Variants in CPD observed in about 807,000 individuals in gnomAD.
CPD encodes the protein metallocarboxypeptidase D.
A neutral mutation model predicts 138.3 loss-of-function variants in CPD; 69 were observed. That is an observed-to-expected ratio of 0.50 (90% confidence interval 0.41 to 0.61). CPD has a LOEUF of 0.61. Among genes scored for constraint, CPD ranks in the 20% least tolerant of loss-of-function variants. The pLI, the probability that CPD is intolerant of heterozygous loss-of-function variation, is 0.00. For missense variants in CPD, 1,432 were observed against 1,733.3 expected, an observed-to-expected ratio of 0.83 and a Z score of 3.09; for synonymous variants, 651 against 642.1, an observed-to-expected ratio of 1.01 and a Z score of -0.21.
rs537393906 is a variant in CPD, at chr17:30,381,829, G to T, written c.746+2103G>T. On this transcript the variant is annotated intron_variant, in intron 1 of 20. Coordinates refer to ENST00000225719, the MANE Select transcript of CPD (RefSeq NM_001304.5). The stretch of plus-strand genomic sequence containing the variant: ...ATATCCTATTCACCCAGCTATATTC[G>T]AATTAGATTTTTGTTGTTATTTCGA... Among the ~76,000 whole-genome samples the T allele has an allele frequency of 4.6e-5, 7 of 151,788 alleles. No homozygotes were observed. In the South Asian group the frequency reaches 1.5e-3, roughly 31 times the overall value.
At chr17:30,393,534 T>C (rs1418916398) in intron 2 of CPD, among the ~76,000 whole-genome samples, 1 of 152,172 alleles carries the variant, frequency 6.6e-6, no homozygotes, top group Non-Finnish European at 1.5e-5. Flanking sequence ...GACAAATCCA[T>C]AAATATAGTA....
intron 1 of CPD, 82 bp from the exon 2 acceptor site, chr17:30,384,906 CT>C: frequency 6.8e-7 from 1 of 1,480,728 alleles, no homozygotes; most frequent in Non-Finnish European, 9.1e-7. Context: ...GAGTTTATTT[CT>C]AAAAGATTTT....
intron 2 of CPD, among the ~76,000 whole-genome samples, chr17:30,405,745 T>G (rs1039729115): frequency 9.2e-5 from 14 of 152,098 alleles, no homozygotes; most frequent in African/African-American, 3.1e-4. Flanking sequence ...CACTCTTATT[T>G]TTTAATTTTT....
At chr17:30,410,413 G>T (rs1427151523) in intron 2 of CPD, among the ~76,000 whole-genome samples, 1 of 152,152 alleles carries the variant, frequency 6.6e-6, no homozygotes, top group Admixed American at 6.5e-5. Context: ...GGATATCCTT[G>T]TTAACCTTCT....
chr17:30,423,155 A>C (rs1912312867), intron 5 of CPD, 132 bp downstream of exon 5: 1 of 698,326 alleles, frequency 1.4e-6, no homozygotes, highest in African/African-American at 1.8e-5. Context: ...TAAAATTAAA[A>C]GAAAGCAAAA....
chr17:30,431,427 T>C (rs1912561338), intron 7 of CPD, among the ~76,000 whole-genome samples: 1 of 152,210 alleles, frequency 6.6e-6, no homozygotes, highest in Admixed American at 6.5e-5. Flanking sequence ...TCTTATGTTC[T>C]TGATGCATAA....
rs777021440 is a variant in CPD at position 30,421,841 on chromosome 17, T to C, written c.1307+8T>C. On this transcript the variant is annotated splice_region_variant and intron_variant, in intron 4 of 20. Coordinates refer to ENST00000225719, the MANE Select transcript of CPD (RefSeq NM_001304.5). The stretch of plus-strand genomic sequence containing the variant: ...TACAGTAGTTTTAACTGGGTAAGAA[T>C]TTAAACTATGTAGACTCTTAGTTAA... 1 of 1,601,750 alleles carries C rather than the reference T, an allele frequency of 6.2e-7. No homozygotes were observed.
At chr17:30,391,132 CTTTTTTTT>C (rs5819898) in intron 2 of CPD, among the ~76,000 whole-genome samples, 1 of 114,858 alleles carries the variant, frequency 8.7e-6, no homozygotes, top group Non-Finnish European at 1.8e-5. Context: ...GCCTGGCCGC[CTTTTTTTT>C]TTTTTTTTTT....
At chr17:30,401,438 TTCC>T (rs1304853752) in intron 2 of CPD, among the ~76,000 whole-genome samples, 1 of 150,988 alleles carries the variant, frequency 6.6e-6, no homozygotes, top group East Asian at 2.0e-4. Flanking sequence ...CCTCTTCTTC[TTCC>T]TCATCTTCTT....
chr17:30,379,195 C>G lies in CPD; in HGVS notation c.215C>G (p.Ala72Gly), dbSNP rs1332317422. ...TTGGAGTCGGCGCTGAGGGAGGCGG[C>G]GGCCGCGGGCCTCCCCGGCCTGGCC... is the stretch of plus-strand genomic sequence containing the variant. ...EELESALREAAAAGLPGLARL... is the reference protein window; with the variant it reads ...EELESALREAGAAGLPGLARL... The change falls in exon 1 of 21, where the codon GCG becomes GGG. Residue 72 changes from alanine to glycine, a missense_variant. By Grantham distance (60) the Ala-to-Gly change is moderately conservative. Coordinates refer to ENST00000225719, the MANE Select transcript of CPD (RefSeq NM_001304.5). The surrounding 1 kb of genome is among the most constrained non-coding windows in gnomAD (Gnocchi z 7.0). 6.5e-7 allele frequency: 1 copy of G among 1,530,008 alleles called. No individual in the cohort carries two copies. Among genetic ancestry groups the G allele is most frequent in the African/African-American group, 1.4e-5 (1 of 70,902 alleles). The allele number at this position is 1,530,008 out of a possible 1,614,324, so 94.8% of individuals were successfully genotyped here.
chr17:30,405,261 A>G (rs1285741794), intron 2 of CPD, among the ~76,000 whole-genome samples: 7 of 152,158 alleles, frequency 4.6e-5, no homozygotes, highest in African/African-American at 1.4e-4. Context: ...TTGGGGGAAT[A>G]GTCAATTATG....
At chr17:30,411,759 T>A (rs1223758401) in intron 2 of CPD, among the ~76,000 whole-genome samples, 1 of 152,236 alleles carries the variant, frequency 6.6e-6, no homozygotes, top group African/African-American at 2.4e-5. Flanking sequence ...GCCATTCGTC[T>A]AACCTTTTTT....
At chr17:30,393,800 A>C (rs1369678276) in intron 2 of CPD, among the ~76,000 whole-genome samples, 1 of 152,172 alleles carries the variant, frequency 6.6e-6, no homozygotes, top group African/African-American at 2.4e-5. Flanking sequence ...CGCTTGTGTT[A>C]CTTTGTTTTT....
At chr17:30,401,802 T>C (rs1166400289) in intron 2 of CPD, among the ~76,000 whole-genome samples, 6 of 152,116 alleles carry the variant, frequency 3.9e-5, no homozygotes, top group African/African-American at 1.4e-4. Context: ...TTTTCTGTCT[T>C]TGGTTTTCAG....
chr17:30,385,263 T>C, intron 2 of CPD, 27 bp downstream of exon 2: 2 of 1,609,518 alleles, frequency 1.2e-6, no homozygotes, highest in Non-Finnish European at 1.7e-6. Flanking sequence ...GTTTGCTACA[T>C]TTTCCCCCTT....
rs1341811240 is a variant in CPD, at chr17:30,465,008, T to A, written c.*194T>A. 7.2e-5 allele frequency: 38 copies of A among 527,424 alleles called. No individual in the cohort carries two copies. Among genetic ancestry groups the A allele is most frequent in the Non-Finnish European group, 8.8e-5 (26 of 295,458 alleles). 32.7% of individuals were successfully genotyped at this position (527,424 alleles called of 1,614,324 possible). ...CCTTCCTTAAAGTACTCTAAACCTTTAAAAAAAAATCTGATTTATGCAGCA... is the reference window on the plus strand; with the variant it reads ...CCTTCCTTAAAGTACTCTAAACCTTAAAAAAAAAATCTGATTTATGCAGCA... On this transcript the variant is annotated 3_prime_UTR_variant, in exon 21 of 21. Coordinates refer to ENST00000225719, the MANE Select transcript of CPD (RefSeq NM_001304.5).
chr17:30,452,663 T>C (rs1387392342), intron 14 of CPD, among the ~76,000 whole-genome samples: 1 of 150,304 alleles, frequency 6.7e-6, no homozygotes, highest in Non-Finnish European at 1.5e-5. Flanking sequence ...ATATTTACTT[T>C]ATTTCTGATT....
chr17:30,447,933 A>G (rs1431808669), intron 12 of CPD, among the ~76,000 whole-genome samples: 2 of 152,150 alleles, frequency 1.3e-5, no homozygotes, highest in African/African-American at 4.8e-5. Context: ...TTTTGCCTTG[A>G]GCATATAGTT....
intron 14 of CPD, chr17:30,454,682 A>G (rs1185842380): frequency 6.6e-6 from 1 of 152,398 alleles, no homozygotes; most frequent in African/African-American, 2.4e-5. Context: ...TCTGTTTTCA[A>G]ACTGCTAATA....
Sources: gnomAD v4.1 joint callset for allele counts (sites outside exome capture counted in the v4.1 genomes callset) on GRCh38, gnomAD v4.1.1 for gene constraint, Gnocchi (gnomAD v3.1) non-coding constraint, MANE v1.5 for transcripts, NCBI Gene and HGNC (gene_info 2026-07-23, HGNC 2026-07-21) for gene names.